Variants in TMEM63C observed in about 807,000 individuals in gnomAD.
TMEM63C encodes the protein transmembrane protein 63C.
Under a neutral mutation model 99.2 loss-of-function variants are expected in TMEM63C, and 32 were observed. The ratio of observed to expected loss-of-function variants is 0.32; its 90% CI spans 0.24 to 0.43. The LOEUF is 0.43. Among genes scored for constraint, TMEM63C ranks in the 20% least tolerant of loss-of-function variants. The probability of loss-of-function intolerance (pLI) is 1.00; values close to 1 mark genes in which losing one functional copy is unlikely to be tolerated. For missense variants in TMEM63C, 826 were observed against 1,053.0 expected (o/e 0.78, Z 2.98); for synonymous variants, 376 against 397.9 (o/e 0.94, Z 0.66).
chr14:77,194,040 A>G (rs568620804), intron 1 of TMEM63C, among the ~76,000 whole-genome samples: 1 of 152,306 alleles, frequency 6.6e-6, no homozygotes, highest in East Asian at 1.9e-4. Context: ...TTCATTACAG[A>G]GTATGATGCT....
At chr14:77,219,118 A>G (rs1355162346) in intron 3 of TMEM63C, among the ~76,000 whole-genome samples, 155 bp downstream of exon 3, 2 of 152,224 alleles carry the variant, frequency 1.3e-5, no homozygotes, top group African/African-American at 4.8e-5. Flanking sequence ...TGGCCCCGGT[A>G]GGTGGGCCTC....
At chr14:77,204,549 CCCTAT>C (rs1888363012) in intron 1 of TMEM63C, among the ~76,000 whole-genome samples, 1 of 152,226 alleles carries the variant, frequency 6.6e-6, no homozygotes, top group Non-Finnish European at 1.5e-5. Context: ...AAGCACTCAA[CCCTAT>C]CCAGCACAGC....
At chr14:77,220,327 G>A (rs527266501) in intron 5 of TMEM63C, among the ~76,000 whole-genome samples, 1 of 152,290 alleles carries the variant, frequency 6.6e-6, no homozygotes, top group East Asian at 1.9e-4. Context: ...AACGAATTAA[G>A]ATATCTTAGA....
At chr14:77,207,296 C>T (rs1463810252) in intron 1 of TMEM63C, among the ~76,000 whole-genome samples, 2 of 152,244 alleles carry the variant, frequency 1.3e-5, no homozygotes, top group African/African-American at 4.8e-5. Context: ...CCCCTGATGG[C>T]GTCCCAACTC....
At chr14:77,191,023 C>T (rs1483983618) in intron 1 of TMEM63C, among the ~76,000 whole-genome samples, 1 of 152,084 alleles carries the variant, frequency 6.6e-6, no homozygotes, top group Non-Finnish European at 1.5e-5. Context: ...AATATACCAA[C>T]ATGATTGGTA....
intron 23 of TMEM63C, among the ~76,000 whole-genome samples, chr14:77,254,911 A>G (rs577543509): frequency 6.6e-6 from 1 of 152,362 alleles, no homozygotes; most frequent in South Asian, 2.1e-4. Context: ...TTTATATACT[A>G]TGTATCTCTT....
chr14:77,190,696 G>A (rs1401390436), intron 1 of TMEM63C, among the ~76,000 whole-genome samples: 2 of 152,118 alleles, frequency 1.3e-5, no homozygotes, highest in Non-Finnish European at 2.9e-5. Flanking sequence ...TGCTAAAAAT[G>A]TCTAAAATGC....
chr14:77,213,926 AG>A (rs1436828019), intron 2 of TMEM63C, among the ~76,000 whole-genome samples: 1 of 152,122 alleles, frequency 6.6e-6, no homozygotes, highest in Non-Finnish European at 1.5e-5. Flanking sequence ...GCTAATCTAG[AG>A]GGTGGGAGTG....
chr14:77,226,565 G>A (rs1367942798), intron 6 of TMEM63C, among the ~76,000 whole-genome samples: 1 of 152,126 alleles, frequency 6.6e-6, no homozygotes, highest in African/African-American at 2.4e-5. Flanking sequence ...TTTGAGCTGG[G>A]CATTGGAGGA....
intron 5 of TMEM63C, among the ~76,000 whole-genome samples, chr14:77,223,864 A>G (rs450587): frequency 0.19 from 28,225 of 152,042 alleles, 2,790 homozygotes; most frequent in Non-Finnish European, 0.22. Context: ...GGGACCATCA[A>G]GAAAGCTACT....
intron 1 of TMEM63C, among the ~76,000 whole-genome samples, chr14:77,186,429 C>A (rs955291170): frequency 6.6e-6 from 1 of 152,170 alleles, no homozygotes. Flanking sequence ...TCAGGCCATG[C>A]ATGGTGGCTC....
chr14:77,225,637 G>A (rs182729590), intron 6 of TMEM63C, among the ~76,000 whole-genome samples, 176 bp downstream of exon 6: 75 of 152,328 alleles, frequency 4.9e-4, no homozygotes, highest in African/African-American at 1.7e-3. Context: ...AGTTGGTGAC[G>A]TGAGAACTGG....
chr14:77,215,614 A>AAAAAAAAAAAAGAAAAGAAAAGAAAAG (rs772701077), intron 2 of TMEM63C, among the ~76,000 whole-genome samples: 3 of 76,528 alleles, frequency 3.9e-5, no homozygotes, highest in Non-Finnish European at 7.1e-5. Flanking sequence ...AAAAAAAAAA[A>AAAAAAAAAAAAGAAAAGAAAAGAAAAG]AAAAGAAAAG....
intron 6 of TMEM63C, among the ~76,000 whole-genome samples, chr14:77,229,386 ACT>A (rs1343410183): frequency 2.0e-5 from 3 of 151,986 alleles, no homozygotes; most frequent in East Asian, 1.9e-4. Flanking sequence ...ATAGAGTGAG[ACT>A]CTGTCTCAAA....
rs1371512027 is a variant in TMEM63C, at chr14:77,256,596, C to T, written c.2291C>T (p.Thr764Ile). ...LTPASSPARH[T>I]YGTMNNQPEE... is the part of the protein sequence containing the mutation. Reference sequence around the variant, plus strand: ...CCCGCCTCCTCCCCAGCCAGGCACACCTATGGCACCATGAACAACCAGCCG... The same window carrying T: ...CCCGCCTCCTCCCCAGCCAGGCACATCTATGGCACCATGAACAACCAGCCG... The change falls in exon 24 of 24, where the codon ACC becomes ATC. Residue 764 changes from threonine (T) to isoleucine (I), a missense_variant. Physicochemically the swap from Thr to Ile is moderately conservative, Grantham distance 89. Transcript: ENST00000298351. The T allele has an allele frequency of 1.1e-5, 17 of 1,613,854 alleles. No homozygotes were observed. The highest frequency in any genetic ancestry group is 1.4e-5 in the Non-Finnish European group (16 of 1,179,892).
chr14:77,253,603 G>A (rs185462447), intron 23 of TMEM63C, among the ~76,000 whole-genome samples: 20 of 152,354 alleles, frequency 1.3e-4, no homozygotes, highest in South Asian at 4.1e-4. Context: ...CCGTGTACTC[G>A]GCATTGTCTG....
intron 1 of TMEM63C, among the ~76,000 whole-genome samples, chr14:77,200,690 TCAC>T (rs1191735714): frequency 1.3e-5 from 2 of 152,228 alleles, no homozygotes; most frequent in East Asian, 3.8e-4. Context: ...TGAACTAGGC[TCAC>T]ATCTTGTCCT....
intron 1 of TMEM63C, among the ~76,000 whole-genome samples, chr14:77,188,114 T>A (rs144707000): frequency 6.6e-6 from 1 of 152,336 alleles, no homozygotes; most frequent in Non-Finnish European, 1.5e-5. Context: ...TCCTTATCCC[T>A]ATCCTCATCT....
At chr14:77,205,119 T>A (rs1374562777) in intron 1 of TMEM63C, among the ~76,000 whole-genome samples, 1 of 152,178 alleles carries the variant, frequency 6.6e-6, no homozygotes, top group Non-Finnish European at 1.5e-5. Flanking sequence ...AAAGGCCCTG[T>A]GGCAGGAGGG....
Sources: allele counts gnomAD v4.1 joint callset (sites outside exome capture counted in the v4.1 genomes callset), GRCh38; gene constraint gnomAD v4.1.1; transcripts MANE v1.5; gene names NCBI Gene and HGNC (gene_info 2026-07-23, HGNC 2026-07-21).